Variants in AXDND1 observed in about 807,000 individuals in gnomAD.
AXDND1 encodes axonemal dynein light chain domain containing 1.
Under a neutral mutation model 137.5 loss-of-function variants are expected in AXDND1, and 110 were observed. The ratio of observed to expected loss-of-function variants is 0.80; its 90% CI spans 0.69 to 0.94. AXDND1 has a LOEUF of 0.94. Among genes scored for constraint, AXDND1 ranks in the 40% least tolerant of loss-of-function variants. The pLI, the probability that AXDND1 is intolerant of heterozygous loss-of-function variation, is 0.00. For synonymous variants in AXDND1, 414 were observed against 399.7 expected (o/e 1.04, Z -0.43); for missense variants, 1,191 against 1,169.8 (o/e 1.02, Z -0.26).
intron 16 of AXDND1, among the ~76,000 whole-genome samples, chr1:179,463,458 G>A (rs6659572): frequency 2.0e-5 from 3 of 152,102 alleles, no homozygotes; most frequent in South Asian, 2.1e-4. Flanking sequence ...CTGAGTTCTA[G>A]TTTGATTGCA....
chr1:179,456,268 C>T (rs1661389895), intron 16 of AXDND1: 9 of 733,346 alleles, frequency 1.2e-5, no homozygotes, highest in South Asian at 1.2e-4. Context: ...CTGGAACCTC[C>T]ATAGCCACCT....
Position 179,492,902 on chromosome 1 carries a change from A to G in AXDND1, c.2339A>G (p.Asn780Ser). 6.2e-7 allele frequency: 1 copy of G among 1,612,008 alleles called. No homozygotes were observed. The highest frequency in any genetic ancestry group is 8.5e-7 in the Non-Finnish European group (1 of 1,179,438). Residue 780 changes from asparagine to serine, a missense_variant, in exon 20 of 26, where the codon AAC becomes AGC. Physicochemically the swap from Asn to Ser is conservative, Grantham distance 46. Transcript: ENST00000367618. ...GCAATGGCTCTGAGTAAATCCACTA[A>G]CTCACACAAAAATGCTACTGAAGAC... ...VTAMALSKST[N>S]SHKNATEDLY...
intron 11 of AXDND1, among the ~76,000 whole-genome samples, chr1:179,406,144 T>G (rs1652920667): frequency 1.3e-5 from 2 of 151,906 alleles, no homozygotes; most frequent in Admixed American, 1.3e-4. Flanking sequence ...GTTGTTTAAC[T>G]TCCACATATT....
intron 16 of AXDND1, chr1:179,451,842 C>T (rs1030054704): frequency 6.5e-6 from 1 of 153,446 alleles, no homozygotes; most frequent in African/African-American, 2.4e-5. Flanking sequence ...GTCCAATAAA[C>T]CCCTTTTCCC....
intron 12 of AXDND1, among the ~76,000 whole-genome samples, chr1:179,417,960 T>C (rs142610714): frequency 6.6e-6 from 1 of 150,938 alleles, no homozygotes; most frequent in African/African-American, 2.4e-5. Flanking sequence ...TTTATTGCTA[T>C]TTTATTTTTA....
intron 20 of AXDND1, among the ~76,000 whole-genome samples, chr1:179,502,387 A>G (rs1166592797): frequency 1.3e-5 from 2 of 152,072 alleles, no homozygotes; most frequent in East Asian, 3.9e-4. Flanking sequence ...CAGCGTGGTG[A>G]ACCTCTGTCT....
chr1:179,538,311 T>C (rs184646619), intron 25 of AXDND1, among the ~76,000 whole-genome samples: 57 of 152,348 alleles, frequency 3.7e-4, no homozygotes, highest in Non-Finnish European at 5.1e-4. Flanking sequence ...TCTTTCCTGC[T>C]TTCTCTTGTG....
At chr1:179,458,867 T>A (rs12750608) in intron 16 of AXDND1, among the ~76,000 whole-genome samples, 5 of 90,432 alleles carry the variant, frequency 5.5e-5, no homozygotes, top group South Asian at 3.6e-4. Context: ...ATTTTTATTT[T>A]TTTTTTGGTG....
chr1:179,531,253 C>T (rs1348484517), intron 23 of AXDND1, among the ~76,000 whole-genome samples: 1 of 152,126 alleles, frequency 6.6e-6, no homozygotes, highest in Non-Finnish European at 1.5e-5. Flanking sequence ...TCTCAAAATA[C>T]CAACCTTAGG....
intron 9 of AXDND1, among the ~76,000 whole-genome samples, chr1:179,389,238 G>T (rs1649741105): frequency 6.6e-6 from 1 of 152,134 alleles, no homozygotes; most frequent in Non-Finnish European, 1.5e-5. Context: ...CCCACAAAGT[G>T]CTGGGACTAC....
At chr1:179,509,540 A>G (rs1228020363) in intron 21 of AXDND1, 137 bp downstream of exon 21, 1 of 587,612 alleles carries the variant, frequency 1.7e-6, no homozygotes, top group Non-Finnish European at 3.0e-6. Context: ...GGTTCTGATC[A>G]AGATCTTTCA....
At chr1:179,411,438 G>A (rs2125223376) in intron 12 of AXDND1, among the ~76,000 whole-genome samples, 172 bp downstream of exon 12, 1 of 152,186 alleles carries the variant, frequency 6.6e-6, no homozygotes, top group Admixed American at 6.5e-5. Flanking sequence ...TCTGACTCTT[G>A]GGTTCAAGCA....
Position 179,411,211 on chromosome 1 carries a change from A to G in AXDND1, c.1175A>G (p.Lys392Arg). 7 of 1,612,780 alleles carry G rather than the reference A, an allele frequency of 4.3e-6. No individual in the cohort carries two copies. The highest frequency in any genetic ancestry group is 5.1e-6 in the Non-Finnish European group (6 of 1,179,546). ...QRERMENDMK[K>R]LVAERDIWSS... ...GAAAGGATGGAGAATGATATGAAAAAGTTAGTGGCAGAAAGAGATATCTGG... is the reference window on the plus strand; with the variant it reads ...GAAAGGATGGAGAATGATATGAAAAGGTTAGTGGCAGAAAGAGATATCTGG... Residue 392 changes from lysine (K) to arginine (R), a missense_variant, in exon 12 of 26, where the codon AAG (lysine) becomes AGG (arginine). Coordinates refer to ENST00000367618, the MANE Select transcript of AXDND1 (RefSeq NM_144696.6).
In AXDND1 at chr1:179,373,525, C is replaced by T. The variant is rs1016960817; in HGVS notation, c.374+3447C>T. Among the ~76,000 whole-genome samples, 3 of 152,130 alleles carry T rather than the reference C, an allele frequency of 2.0e-5. No homozygotes were observed. The South Asian group carries it at 6.2e-4, about 32-fold the overall frequency. On this transcript the variant is annotated intron_variant, in intron 4 of 25. Transcript: ENST00000367618. ...AAAGAGCCCACAGAGCCAAGACAAG[C>T]CTAAGCAAAAAGAACAAAGCTGGAG...
At chr1:179,554,206 G>A (rs941815910) in intron 25 of AXDND1, among the ~76,000 whole-genome samples, 7 of 152,074 alleles carry the variant, frequency 4.6e-5, no homozygotes, top group Non-Finnish European at 1.0e-4. Context: ...GAGCCACTGC[G>A]CCTGGCCTAA....
Position 179,528,395 on chromosome 1 carries a change from C to T in AXDND1, c.2679C>T (p.Ser893=), listed in dbSNP as rs766860985. 1.9e-6 allele frequency: 3 copies of T among 1,613,534 alleles called. No individual in the cohort carries two copies. The highest frequency in any genetic ancestry group is 2.7e-5 in the African/African-American group (2 of 74,872). ...TTGGAGAAGATGAAAATGTTCATTC[C>T]AAACCTCTATTTGAAACAGATGTGT... ...RFIGEDENVH[S]KPLFETDVLS... is the part of the protein sequence containing the mutation. The change falls in exon 23 of 26, where the codon TCC becomes TCT. Residue 893 remains serine, a synonymous_variant. Coordinates refer to ENST00000367618, the MANE Select transcript of AXDND1 (RefSeq NM_144696.6).
intron 15 of AXDND1, among the ~76,000 whole-genome samples, chr1:179,441,444 C>G (rs1658976492): frequency 6.6e-6 from 1 of 152,232 alleles, no homozygotes; most frequent in Admixed American, 6.5e-5. Flanking sequence ...GTTCCTACAT[C>G]CTGACAAGCT....
intron 20 of AXDND1, among the ~76,000 whole-genome samples, chr1:179,497,137 C>T (rs1304608803): frequency 6.6e-6 from 1 of 151,996 alleles, no homozygotes; most frequent in East Asian, 1.9e-4. Flanking sequence ...GTAACTGTTC[C>T]ATGTACAATT....
At chr1:179,373,274 G>A (rs1668224629) in intron 4 of AXDND1, among the ~76,000 whole-genome samples, 1 of 152,192 alleles carries the variant, frequency 6.6e-6, no homozygotes. Context: ...TACAAGGAAT[G>A]TGAAGGACCT....
Sources: gnomAD v4.1 joint callset for allele counts (sites outside exome capture counted in the v4.1 genomes callset) on GRCh38, gnomAD v4.1.1 for gene constraint, MANE v1.5 for transcripts, NCBI Gene and HGNC (gene_info 2026-07-23, HGNC 2026-07-21) for gene names.